UQCC2: variants seen among roughly 807,000 people sequenced by gnomAD.
The protein encoded by UQCC2 is ubiquinol-cytochrome c reductase complex assembly factor 2, also known as breast cancer-associated protein SGA-81M.
In UQCC2, 21 loss-of-function variants were observed where a neutral mutation model predicts 19.9. The observed-to-expected ratio is 1.05, with a 90% confidence interval of 0.75 to 1.52. UQCC2 has a LOEUF of 1.52. UQCC2 is among the 40% of genes most tolerant of loss of function. UQCC2 has a pLI of 0.00. For synonymous variants in UQCC2, 57 were observed against 60.9 expected (o/e 0.94, Z 0.30); for missense variants, 135 against 157.5 (o/e 0.86, Z 0.76).
intron 1 of UQCC2, among the ~76,000 whole-genome samples, chr6:33,709,192 T>C (rs931731908): frequency 3.3e-5 from 5 of 152,236 alleles, no homozygotes; most frequent in Admixed American, 6.5e-5. Context: ...AGCTCCTCAG[T>C]GGTGAAGGCC....
intron 1 of UQCC2, among the ~76,000 whole-genome samples, chr6:33,701,971 C>A (rs1285967572): frequency 6.6e-6 from 1 of 151,830 alleles, no homozygotes; most frequent in Non-Finnish European, 1.5e-5. Context: ...GAAGAGGAGG[C>A]AGGAATCCTG....
chr6:33,708,774 G>A (rs772457740), intron 1 of UQCC2, among the ~76,000 whole-genome samples: 3 of 152,202 alleles, frequency 2.0e-5, no homozygotes, highest in Admixed American at 2.0e-4. Context: ...GGTGTCAGTA[G>A]GAGTGACTCA....
At chr6:33,710,059 AT>A (rs886970383) in intron 1 of UQCC2, among the ~76,000 whole-genome samples, 80 of 152,144 alleles carry the variant, frequency 5.3e-4, no homozygotes, top group African/African-American at 1.6e-3. Context: ...AGGCCAAAAA[AT>A]ATCTAGGTGC....
chr6:33,701,672 A>T (rs1048100168), intron 1 of UQCC2, among the ~76,000 whole-genome samples: 3 of 151,982 alleles, frequency 2.0e-5, no homozygotes, highest in Non-Finnish European at 2.9e-5. Flanking sequence ...TCAGCAAACA[A>T]GCATTTGTTG....
chr6:33,697,808 G>C, intron 3 of UQCC2, 58 bp from the exon 4 acceptor site: 1 of 1,449,112 alleles, frequency 6.9e-7, no homozygotes, highest in African/African-American at 1.4e-5. Context: ...TGATGACATA[G>C]ATTGGACCCA....
intron 1 of UQCC2, among the ~76,000 whole-genome samples, chr6:33,709,639 G>A (rs1352748198): frequency 1.3e-5 from 2 of 152,028 alleles, no homozygotes; most frequent in Non-Finnish European, 2.9e-5. Context: ...AGGGCCCTGG[G>A]TATCGTATAA....
chr6:33,710,794 A>T (rs1306199796), intron 1 of UQCC2, among the ~76,000 whole-genome samples: 1 of 152,216 alleles, frequency 6.6e-6, no homozygotes, highest in East Asian at 1.9e-4. Flanking sequence ...GGCATATGGT[A>T]GGTGCTCAAT....
At chr6:33,704,441 AG>A (rs1335300325) in intron 1 of UQCC2, among the ~76,000 whole-genome samples, 1 of 152,132 alleles carries the variant, frequency 6.6e-6, no homozygotes, top group Non-Finnish European at 1.5e-5. Context: ...TGCACTGCCG[AG>A]GGTGGCGCTG....
intron 1 of UQCC2, among the ~76,000 whole-genome samples, chr6:33,709,406 T>G (rs1765738732): frequency 6.6e-6 from 1 of 150,790 alleles, no homozygotes; most frequent in African/African-American, 2.4e-5. Context: ...ATTCAGACAT[T>G]TACTGAGTGT....
chr6:33,705,092 C>A (rs1232420022), intron 1 of UQCC2, among the ~76,000 whole-genome samples: 1 of 150,618 alleles, frequency 6.6e-6, no homozygotes, highest in Non-Finnish European at 1.5e-5. Context: ...AGTGCACTGG[C>A]ACAATCTTGG....
Position 33,710,249 on chromosome 6 carries a change from T to A in UQCC2, c.138+1300A>T, listed in dbSNP as rs9469570. ...ATCGGCTTCTCTCCAGCCTCTTTTT[T>A]TGTTATTGCCCCCTATAGCCCACTC... On this transcript the variant is annotated intron_variant, in intron 1 of 3. Coordinates refer to ENST00000607484, the MANE Select transcript of UQCC2 (RefSeq NM_032340.4). 9.3e-3 allele frequency among the ~76,000 whole-genome samples: 1,423 copies of A among 152,280 alleles called. 30 individuals are homozygous for A. The highest frequency in any genetic ancestry group is 0.03 in the African/African-American group (1,261 of 41,540).
chr6:33,710,790 T>C (rs971574317), intron 1 of UQCC2, among the ~76,000 whole-genome samples: 8 of 152,176 alleles, frequency 5.3e-5, no homozygotes, highest in African/African-American at 1.9e-4. Context: ...TCCAGGCATA[T>C]GGTAGGTGCT....
At chr6:33,704,674 G>C (rs1009886624) in intron 1 of UQCC2, among the ~76,000 whole-genome samples, 2 of 152,240 alleles carry the variant, frequency 1.3e-5, no homozygotes, top group African/African-American at 2.4e-5. Flanking sequence ...AAGCTGATCT[G>C]CCTTCCTCCC....
chr6:33,702,194 G>A (rs1026760971), intron 1 of UQCC2, among the ~76,000 whole-genome samples: 1 of 152,092 alleles, frequency 6.6e-6, no homozygotes, highest in Non-Finnish European at 1.5e-5. Flanking sequence ...TTTTAGTAGA[G>A]ACAGGGTTTC....
In UQCC2 at chr6:33,697,614, A is replaced by G. The variant is rs1300856490; in HGVS notation, c.*39T>C. 1 of 1,503,652 alleles carries G rather than the reference A, an allele frequency of 6.7e-7. No individual in the cohort carries two copies. The highest frequency in any genetic ancestry group is 1.4e-5 in the African/African-American group (1 of 71,218). The allele number at this position is 1,503,652 out of a possible 1,614,324, so 93.1% of individuals were successfully genotyped here. On this transcript the variant is annotated 3_prime_UTR_variant, in exon 4 of 4. Transcript: ENST00000607484. ...TTTATTGACGATGGCAATGTACAAG[A>G]CTCCACACCTAGGTATGTGCACGAG...
At chr6:33,701,261 A>T (rs1182118265) in intron 2 of UQCC2, 85 bp downstream of exon 2, 2 of 1,430,408 alleles carry the variant, frequency 1.4e-6, no homozygotes, top group Non-Finnish European at 1.9e-6. Flanking sequence ...AGTCTTTACA[A>T]AACATTACCT....
chr6:33,699,310 T>C (rs1366222836), intron 3 of UQCC2, among the ~76,000 whole-genome samples: 1 of 152,246 alleles, frequency 6.6e-6, no homozygotes, highest in Non-Finnish European at 1.5e-5. Context: ...CAGAACAAGC[T>C]GCAGCGCGGA....
Position 33,700,435 on chromosome 6 carries a change from T to C in UQCC2, c.283+9A>G. 6 of 1,613,828 alleles carry C rather than the reference T, an allele frequency of 3.7e-6. No individual in the cohort carries two copies. Among genetic ancestry groups the C allele is most frequent in the Non-Finnish European group, 4.2e-6 (5 of 1,179,732 alleles). On this transcript the variant is annotated intron_variant, in intron 3 of 3. Coordinates refer to ENST00000607484, the MANE Select transcript of UQCC2 (RefSeq NM_032340.4). ...AACCAATGAGAAAAGGCAGCTGTGCTTTCATTACCTGTGGACAGGATCAGC... is the reference window on the plus strand; with the variant it reads ...AACCAATGAGAAAAGGCAGCTGTGCCTTCATTACCTGTGGACAGGATCAGC...
rs2127331715 is a variant in UQCC2, at chr6:33,697,467, G to GCAGATAGCT, written c.*177_*185dup. 2 of 565,992 alleles carry GCAGATAGCT rather than the reference G, an allele frequency of 3.5e-6. No homozygotes were observed. Among genetic ancestry groups the GCAGATAGCT allele is most frequent in the Admixed American group, 6.7e-5 (2 of 29,778 alleles). 35.1% of individuals were successfully genotyped at this position (565,992 alleles called of 1,614,324 possible). On this transcript the variant is annotated 3_prime_UTR_variant, in exon 4 of 4. Transcript: ENST00000607484. ...TTCCCTACCCTGAGCAGCAGTCACAGCAGATAGCTCAATCACCATCCCTTC... is the reference window on the plus strand; with the variant it reads ...TTCCCTACCCTGAGCAGCAGTCACAGCAGATAGCTCAGATAGCTCAATCACCATCCCTTC...
Sources: allele counts gnomAD v4.1 joint callset (sites outside exome capture counted in the v4.1 genomes callset), GRCh38; gene constraint gnomAD v4.1.1; transcripts MANE v1.5; gene names NCBI Gene and HGNC (gene_info 2026-07-23, HGNC 2026-07-21).